TAAR1: variants seen among roughly 807,000 people sequenced by gnomAD.
TAAR1 encodes the protein trace amine associated receptor 1, also known as trace amine-associated receptor 1.
A neutral mutation model predicts 1.2 loss-of-function variants in TAAR1; 1 was observed. The observed-to-expected ratio is 0.81, with a 90% CI of 0.29 to 3.86. The LOEUF (loss-of-function observed/expected upper bound fraction) is 3.86, where lower values mean the gene tolerates loss of function less well. Among genes scored for constraint, TAAR1 ranks in the 30% most tolerant of loss-of-function variants. TAAR1 has a pLI of 0.18. For missense variants in TAAR1, 445 were observed against 405.6 expected, an observed-to-expected ratio of 1.10 and a Z score of -0.83; for synonymous variants, 153 against 132.2, an observed-to-expected ratio of 1.16 and a Z score of -1.08.
chr6:132,656,623 T>TA (rs998278316), intron 1 of TAAR1, among the ~76,000 whole-genome samples: 2 of 151,968 alleles, frequency 1.3e-5, no homozygotes, highest in Admixed American at 6.6e-5. Context: ...CATAGAACCT[T>TA]AAAAAAAATT....
Position 132,645,973 on chromosome 6 carries a change from T to C in TAAR1, c.31A>G (p.Ile11Val). 6.2e-7 allele frequency: 1 copy of C among 1,603,788 alleles called. No homozygotes were observed. ...GACCAGTTGTTTTTCACACAGGAAA[T>C]ATTAATTATATTGTGGCAAAAGGGC... MMPFCHNIIN[I>V]SCVKNNWSND... Residue 11 changes from isoleucine to valine, a missense_variant, in exon 2 of 2, where the codon ATT becomes GTT. Physicochemically the swap from Ile to Val is conservative, Grantham distance 29. Coordinates refer to ENST00000275216, the MANE Select transcript of TAAR1 (RefSeq NM_138327.4).
At position 132,644,383 on chromosome 6, in the gene TAAR1, T is replaced by C. The variant is rs1326024231; in HGVS notation, c.*601A>G. On this transcript the variant is annotated 3_prime_UTR_variant, in exon 2 of 2. Transcript: ENST00000275216. ...TTTTTTTAATTTCATTTGGTTTGTA[T>C]ATATTTTATTTTTATATTTTCCTTT... Among the ~76,000 whole-genome samples, 2 of 151,996 alleles carry C rather than the reference T, an allele frequency of 1.3e-5. No individual in the cohort carries two copies. Among genetic ancestry groups the C allele is most frequent in the Non-Finnish European group, 2.9e-5 (2 of 67,940 alleles).
chr6:132,657,190 G>T (rs1777813228), intron 1 of TAAR1, among the ~76,000 whole-genome samples: 1 of 152,034 alleles, frequency 6.6e-6, no homozygotes, highest in Non-Finnish European at 1.5e-5. Context: ...GTGCTGAGGG[G>T]CTGGCAAGTT....
At chr6:132,647,137 CT>C (rs1562202727) in intron 1 of TAAR1, among the ~76,000 whole-genome samples, 1 of 151,934 alleles carries the variant, frequency 6.6e-6, no homozygotes, top group South Asian at 2.1e-4. Context: ...GGCACACAAC[CT>C]TTTTAGTTTT....
chr6:132,658,923 C>T (rs1266383042), intron 1 of TAAR1, among the ~76,000 whole-genome samples: 1 of 152,180 alleles, frequency 6.6e-6, no homozygotes, highest in Non-Finnish European at 1.5e-5. Flanking sequence ...CTTTTAGCTT[C>T]TCTTGCTAAA....
intron 1 of TAAR1, among the ~76,000 whole-genome samples, chr6:132,647,682 A>AAGAG (rs1266056167): frequency 1.3e-5 from 2 of 151,526 alleles, no homozygotes; most frequent in African/African-American, 4.8e-5. Context: ...GAAAGAAAGA[A>AAGAG]GAAAGAAAGG....
At chr6:132,654,790 T>C (rs1777785297) in intron 1 of TAAR1, among the ~76,000 whole-genome samples, 1 of 152,170 alleles carries the variant, frequency 6.6e-6, no homozygotes, top group Non-Finnish European at 1.5e-5. Context: ...AACTGAGCCA[T>C]GAAAGGACTA....
At chr6:132,647,623 GGAAA>G (rs1554208955) in intron 1 of TAAR1, among the ~76,000 whole-genome samples, 8,061 of 102,754 alleles carry the variant, frequency 0.078, 329 homozygotes, top group Non-Finnish European at 0.083. Context: ...GAAAGAAAAA[GGAAA>G]GAAAGAAAGA....
rs201983039 is a variant in TAAR1 at position 132,645,666 on chromosome 6, T to C, written c.338A>G (p.His113Arg). 3.3e-5 allele frequency: 54 copies of C among 1,613,388 alleles called. No individual in the cohort carries two copies. The South Asian group carries it at 5.3e-4, about 16-fold the overall frequency. Residue 113 changes from histidine (H) to arginine (R), a missense_variant, in exon 2 of 2, where the codon CAT becomes CGT. Coordinates refer to ENST00000275216, the MANE Select transcript of TAAR1 (RefSeq NM_138327.4). ...GCGGTCAATGGAGATGAAAGACAAA[T>C]GGAAAATGGAGGCTGAGCTCAGCAT... ...DIMLSSASIFHLSFISIDRYY... is the reference protein window; with the variant it reads ...DIMLSSASIFRLSFISIDRYY...
chr6:132,647,695 G>A (rs1233336062), intron 1 of TAAR1, among the ~76,000 whole-genome samples: 1 of 150,264 alleles, frequency 6.7e-6, no homozygotes, highest in Non-Finnish European at 1.5e-5. Flanking sequence ...AAGAAAGGAA[G>A]GAAGGAAAGA....
intron 1 of TAAR1, among the ~76,000 whole-genome samples, chr6:132,656,129 C>A (rs1166402618): frequency 6.6e-6 from 1 of 152,086 alleles, no homozygotes; most frequent in Non-Finnish European, 1.5e-5. Context: ...TACTACCCAG[C>A]CTCCAGAGGC....
chr6:132,652,307 T>C (rs1231413164), intron 1 of TAAR1, among the ~76,000 whole-genome samples: 3 of 16,844 alleles, frequency 1.8e-4, no homozygotes, highest in African/African-American at 1.6e-3. Context: ...GATATTCTGC[T>C]TTTTTTTTTT....
chr6:132,654,864 T>G (rs542816580), intron 1 of TAAR1, among the ~76,000 whole-genome samples: 13 of 152,222 alleles, frequency 8.5e-5, no homozygotes, highest in Non-Finnish European at 1.3e-4. Context: ...AAATTTTGTT[T>G]TAAAATGGAA....
At chr6:132,658,921 T>C (rs1405224954) in intron 1 of TAAR1, among the ~76,000 whole-genome samples, 2 of 152,220 alleles carry the variant, frequency 1.3e-5, no homozygotes, top group Non-Finnish European at 2.9e-5. Context: ...TTCTTTTAGC[T>C]TCTCTTGCTA....
intron 1 of TAAR1, among the ~76,000 whole-genome samples, chr6:132,654,993 A>T (rs891607567): frequency 2.6e-5 from 4 of 152,210 alleles, no homozygotes; most frequent in Admixed American, 6.5e-5. Context: ...CTTCCTCCTG[A>T]CATCCTCTGA....
chr6:132,649,947 C>T (rs1026075212), intron 1 of TAAR1, among the ~76,000 whole-genome samples: 5 of 152,252 alleles, frequency 3.3e-5, no homozygotes, highest in South Asian at 2.1e-4. Flanking sequence ...CTGTCCGTAA[C>T]GCTACTCCTG....
chr6:132,647,372 ACACAC>A (rs1777685872), intron 1 of TAAR1, among the ~76,000 whole-genome samples: 1 of 149,592 alleles, frequency 6.7e-6, no homozygotes, highest in Non-Finnish European at 1.5e-5. Flanking sequence ...GCACACACAC[ACACAC>A]ACACACACAC....
intron 1 of TAAR1, among the ~76,000 whole-genome samples, chr6:132,657,820 T>G (rs1777822238): frequency 6.6e-6 from 1 of 152,090 alleles, no homozygotes; most frequent in East Asian, 1.9e-4. Context: ...TATTTACTTT[T>G]CCATCTCTAT....
chr6:132,645,010 T>A lies in TAAR1; in HGVS notation c.994A>T (p.Lys332Ter). 1 of 1,569,436 alleles carries A rather than the reference T, an allele frequency of 6.4e-7. No individual in the cohort carries two copies. Among genetic ancestry groups the A allele is most frequent in the Non-Finnish European group, 8.6e-7 (1 of 1,166,268 alleles). The change falls in exon 2 of 2, where the codon AAA becomes TAA. Residue 332 changes from lysine to a stop codon, truncating the protein, a stop_gained. Transcript: ENST00000275216. LOFTEE classifies it high-confidence loss of function. ...KIFQKDSSRC[K>*]LFLELSS The stretch of plus-strand genomic sequence containing the variant: ...TATGAACTCAATTCCAAAAATAATT[T>A]ACACCTGGATGAATCTTTTTGGAAA...
Sources: allele counts gnomAD v4.1 joint callset (sites outside exome capture counted in the v4.1 genomes callset), GRCh38; gene constraint gnomAD v4.1.1; transcripts MANE v1.5; gene names NCBI Gene and HGNC (gene_info 2026-07-23, HGNC 2026-07-21).